Variants in EPHA6 observed in about 807,000 individuals in gnomAD.
EPHA6 encodes the protein EPH receptor A6.
In EPHA6, 50 loss-of-function variants were observed where a neutral mutation model predicts 112.0. The observed-to-expected ratio is 0.45, with a 90% confidence interval of 0.36 to 0.56. The LOEUF is 0.56. Ranked by LOEUF, EPHA6 falls within the 20% of genes least tolerant of loss-of-function variation. EPHA6 has a pLI of 0.00. For synonymous variants in EPHA6, 529 were observed against 490.7 expected (o/e 1.08, Z -1.03); for missense variants, 1,280 against 1,417.4 (o/e 0.90, Z 1.56).
intron 2 of EPHA6, among the ~76,000 whole-genome samples, chr3:96,901,947 A>G (rs1401852994): frequency 6.6e-6 from 1 of 152,216 alleles, no homozygotes; most frequent in Non-Finnish European, 1.5e-5. Context: ...TCCTGAAGGT[A>G]CTTTTTAACT....
chr3:97,730,362 G>A (rs1445488146), intron 15 of EPHA6, among the ~76,000 whole-genome samples: 1 of 152,048 alleles, frequency 6.6e-6, no homozygotes, highest in Non-Finnish European at 1.5e-5. Context: ...AGAATAAGCA[G>A]CCAGGTTTAA....
chr3:97,544,299 G>A (rs2092913129), intron 11 of EPHA6, among the ~76,000 whole-genome samples: 1 of 152,096 alleles, frequency 6.6e-6, no homozygotes, highest in Non-Finnish European at 1.5e-5. Flanking sequence ...TTTTTAGCAT[G>A]AAGGGTTGTT....
At chr3:97,501,928 G>C (rs1381934729) in intron 10 of EPHA6, among the ~76,000 whole-genome samples, 4 of 151,874 alleles carry the variant, frequency 2.6e-5, no homozygotes, top group Non-Finnish European at 2.9e-5. Flanking sequence ...GAAAGAGGCT[G>C]GCAAGTCCAG....
chr3:97,720,527 T>G, intron 15 of EPHA6, 117 bp downstream of exon 15: 2 of 888,432 alleles, frequency 2.3e-6, no homozygotes, highest in Non-Finnish European at 3.3e-6. Flanking sequence ...GAACTTCTCA[T>G]GGTCTATGGC....
intron 7 of EPHA6, among the ~76,000 whole-genome samples, chr3:97,463,572 T>C (rs2090959317): frequency 6.6e-6 from 1 of 152,110 alleles, no homozygotes; most frequent in African/African-American, 2.4e-5. Flanking sequence ...GAAGCACAAA[T>C]GTTCTAAGAA....
chr3:97,746,611 T>C (rs1310346085), intron 16 of EPHA6, among the ~76,000 whole-genome samples: 1 of 151,778 alleles, frequency 6.6e-6, no homozygotes, highest in Non-Finnish European at 1.5e-5. Context: ...GTATGTAATG[T>C]ATATATAAGC....
intron 2 of EPHA6, among the ~76,000 whole-genome samples, chr3:96,937,143 T>C (rs1251520064): frequency 1.3e-5 from 2 of 152,192 alleles, no homozygotes; most frequent in East Asian, 3.9e-4. Context: ...GATTGCTGGG[T>C]CAAATGGTAT....
At chr3:97,420,327 A>G (rs1252417342) in intron 6 of EPHA6, among the ~76,000 whole-genome samples, 1 of 152,056 alleles carries the variant, frequency 6.6e-6, no homozygotes, top group Non-Finnish European at 1.5e-5. Flanking sequence ...CCAAAATAAA[A>G]GAAACAAGAA....
rs2078924746 is a variant in EPHA6, at chr3:97,244,225, T to C, written c.1544T>C (p.Val515Ala). 6.2e-7 allele frequency: 1 copy of C among 1,612,884 alleles called. No homozygotes were observed. The highest frequency in any genetic ancestry group is 1.3e-5 in the African/African-American group (1 of 74,794). The stretch of plus-strand genomic sequence containing the variant: ...TTTGAAATAGAAGCAATGAATGGAG[T>C]TTCTGAGTTGAGTTTTTCTCCCAAG... ...YTFEIEAMNGVSELSFSPKPF... is the reference protein window; with the variant it reads ...YTFEIEAMNGASELSFSPKPF... The change falls in exon 5 of 18, where the codon GTT becomes GCT. Residue 515 changes from valine (V) to alanine (A), a missense_variant. Around this residue, in one of 4 missense-constraint regions of EPHA6, gnomAD observed 878 missense variants for 999.7 expected, o/e 0.88. Coordinates refer to ENST00000389672, the MANE Select transcript of EPHA6 (RefSeq NM_001080448.3).
chr3:97,333,197 G>C (rs941165277), intron 5 of EPHA6, among the ~76,000 whole-genome samples: 3 of 151,930 alleles, frequency 2.0e-5, no homozygotes, highest in Non-Finnish European at 1.5e-5. Context: ...TTGAGTGTAT[G>C]TGTAAGTATT....
intron 3 of EPHA6, among the ~76,000 whole-genome samples, chr3:97,131,158 C>T (rs988976718): frequency 2.0e-5 from 3 of 151,960 alleles, no homozygotes; most frequent in Non-Finnish European, 2.9e-5. Flanking sequence ...CAAGTGCATG[C>T]TTTGCTTAAT....
chr3:97,124,469 A>AAAGAAAGAAAGAAAGAAAG (rs2048127427), intron 3 of EPHA6, among the ~76,000 whole-genome samples: 11 of 149,856 alleles, frequency 7.3e-5, no homozygotes, highest in African/African-American at 2.5e-4. Flanking sequence ...TCTGTTTAAA[A>AAAGAAAGAAAGAAAGAAAG]AAAGAAAGAA....
At chr3:97,026,121 ATT>A (rs3038599) in intron 3 of EPHA6, among the ~76,000 whole-genome samples, 12,150 of 115,796 alleles carry the variant, frequency 0.1, 649 homozygotes, top group African/African-American at 0.19. Context: ...TATGTGTCTG[ATT>A]TTTTTTTTTT....
chr3:96,982,526 A>T (rs1035027114), intron 2 of EPHA6, among the ~76,000 whole-genome samples: 23 of 152,192 alleles, frequency 1.5e-4, no homozygotes, highest in Non-Finnish European at 3.4e-4. Flanking sequence ...AAGAATGTAT[A>T]TTCTGTTGAT....
chr3:97,692,306 T>C (rs1576298480), intron 14 of EPHA6, among the ~76,000 whole-genome samples: 1 of 152,218 alleles, frequency 6.6e-6, no homozygotes, highest in Non-Finnish European at 1.5e-5. Flanking sequence ...TAATCTTATG[T>C]AAGTCTTTTT....
intron 5 of EPHA6, among the ~76,000 whole-genome samples, chr3:97,323,921 G>A (rs990070008): frequency 6.6e-6 from 1 of 151,836 alleles, no homozygotes; most frequent in Non-Finnish European, 1.5e-5. Flanking sequence ...GATACTGATG[G>A]AAATGTAAGT....
Position 96,952,190 on chromosome 3 carries a change from G to A in EPHA6, c.451-35140G>A, listed in dbSNP as rs144702341. On this transcript the variant is annotated intron_variant, in intron 2 of 17. Coordinates refer to ENST00000389672, the MANE Select transcript of EPHA6 (RefSeq NM_001080448.3). Reference sequence around the variant, plus strand: ...AGGTGAGCTACTTGTGGTCTGACGCGTGTTAAATAGCTTGATAAGCACTGC... The same window carrying A: ...AGGTGAGCTACTTGTGGTCTGACGCATGTTAAATAGCTTGATAAGCACTGC... Among the ~76,000 whole-genome samples the A allele has an allele frequency of 2.2e-3, 342 of 152,270 alleles. 11 individuals are homozygous for A. In the East Asian group the frequency reaches 0.046, roughly 20 times the overall value.
chr3:97,054,372 C>T lies in EPHA6; in HGVS notation c.1114+66379C>T, dbSNP rs558085913. 1.2e-3 allele frequency among the ~76,000 whole-genome samples: 187 copies of T among 152,166 alleles called. 1 individual carries two copies. Among genetic ancestry groups the T allele is most frequent in the African/African-American group, 4.3e-3 (177 of 41,540 alleles). On this transcript the variant is annotated intron_variant, in intron 3 of 17. Coordinates refer to ENST00000389672, the MANE Select transcript of EPHA6 (RefSeq NM_001080448.3). ...CAAACACCAGACTGCAATTCACAAA[C>T]GTGATTGCTATGAGACTACTGAAAA...
intron 15 of EPHA6, among the ~76,000 whole-genome samples, chr3:97,726,567 C>T (rs1474323914): frequency 6.6e-6 from 1 of 151,998 alleles, no homozygotes; most frequent in Non-Finnish European, 1.5e-5. Flanking sequence ...ACATATTTAG[C>T]CTATTGCCAG....
Sources: allele counts gnomAD v4.1 joint callset (sites outside exome capture counted in the v4.1 genomes callset), GRCh38; gene constraint gnomAD v4.1.1; regional missense constraint gnomAD v4.1.1; transcripts MANE v1.5; gene names NCBI Gene and HGNC (gene_info 2026-07-23, HGNC 2026-07-21).